Variants in CPNE5 observed in about 807,000 individuals in gnomAD.
CPNE5 encodes copine-5.
CPNE5 carries 42 observed loss-of-function variants against 81.1 expected under a neutral mutation model. The ratio of observed to expected loss-of-function variants is 0.52; its 90% CI spans 0.40 to 0.67. The LOEUF (loss-of-function observed/expected upper bound fraction) is 0.67. Among genes scored for constraint, CPNE5 ranks in the 30% least tolerant of loss-of-function variants. The pLI is 0.00. For synonymous variants in CPNE5, 313 were observed against 321.5 expected (o/e 0.97, Z 0.28); for missense variants, 612 against 815.5 (o/e 0.75, Z 3.04).
chr6:36,821,365 G>A (rs1247821873), intron 3 of CPNE5, among the ~76,000 whole-genome samples: 4 of 152,186 alleles, frequency 2.6e-5, no homozygotes, highest in Admixed American at 1.3e-4. Context: ...GGGAGCCACA[G>A]GAGGGCTCTG....
chr6:36,765,391 C>G lies in CPNE5; in HGVS notation c.738-15G>C, dbSNP rs1241017731. On this transcript the variant is annotated splice_polypyrimidine_tract_variant and intron_variant, in intron 10 of 20. Coordinates refer to ENST00000244751, the MANE Select transcript of CPNE5 (RefSeq NM_020939.2). ...CCTTGATGGTCCTGCAAAACAAAGG[C>G]CTTTGCTGGGATGGGCCCAACCCCA... The G allele has an allele frequency of 6.2e-7, 1 of 1,614,090 alleles. No homozygotes were observed. Among genetic ancestry groups the G allele is most frequent in the Admixed American group, 1.7e-5 (1 of 60,012 alleles).
intron 13 of CPNE5, chr6:36,754,803 C>T (rs1249124576): frequency 6.6e-6 from 1 of 152,188 alleles, no homozygotes; most frequent in African/African-American, 2.4e-5. Context: ...AAGGTGCTGT[C>T]TTCCCTAGGG....
intron 1 of CPNE5, among the ~76,000 whole-genome samples, chr6:36,828,320 A>AAG (rs1213829234): frequency 2.0e-5 from 3 of 151,340 alleles, no homozygotes; most frequent in Non-Finnish European, 4.4e-5. Flanking sequence ...AAAAAAAAAA[A>AAG]AAAAAAAAAG....
chr6:36,832,912 C>A (rs766202742), intron 1 of CPNE5, among the ~76,000 whole-genome samples: 1 of 152,130 alleles, frequency 6.6e-6, no homozygotes, highest in South Asian at 2.1e-4. Context: ...TACTACCGTG[C>A]GGTCTGGATG....
chr6:36,810,434 A>G (rs184652656), intron 3 of CPNE5, among the ~76,000 whole-genome samples: 16 of 152,346 alleles, frequency 1.1e-4, no homozygotes, highest in Admixed American at 9.8e-4. Flanking sequence ...CTCATGAATC[A>G]TGTTCACTAG....
intron 3 of CPNE5, among the ~76,000 whole-genome samples, chr6:36,814,163 G>A (rs1771338037): frequency 6.6e-6 from 1 of 152,110 alleles, no homozygotes; most frequent in Non-Finnish European, 1.5e-5. Context: ...GCACATAGGT[G>A]GCTGAACGGC....
intron 3 of CPNE5, among the ~76,000 whole-genome samples, chr6:36,814,843 T>A (rs1451192789): frequency 6.6e-6 from 1 of 152,134 alleles, no homozygotes; most frequent in Non-Finnish European, 1.5e-5. Flanking sequence ...TTGTGAGGAT[T>A]CATTGAGTTA....
rs200491635 is a variant in CPNE5, at chr6:36,746,501, G to T, written c.1095C>A (p.Ala365=). Residue 365 remains alanine, a synonymous_variant, in exon 16 of 21, where the codon GCC becomes GCA. Transcript: ENST00000244751. This position sits in a 1 kb window ranked among gnomAD's most constrained non-coding sequence, Gnocchi z 4.5. ...CGTAGTGCTGGATGATCTCTCCGAC[G>T]GCAGTCAGCGCCAGCGCGTAGGCGT... ...QLNAYALALT[A]VGEIIQHYDS... is the part of the protein sequence containing the mutation. 6.2e-7 allele frequency: 1 copy of T among 1,613,824 alleles called. No individual in the cohort carries two copies.
At chr6:36,807,244 T>C (rs1056740855) in intron 3 of CPNE5, among the ~76,000 whole-genome samples, 2 of 152,198 alleles carry the variant, frequency 1.3e-5, no homozygotes, top group African/African-American at 4.8e-5. Flanking sequence ...TCGTTAATAG[T>C]GCAGAGTCTA....
intron 3 of CPNE5, among the ~76,000 whole-genome samples, chr6:36,802,150 C>T (rs1414257057): frequency 3.3e-5 from 4 of 120,606 alleles, no homozygotes; most frequent in African/African-American, 6.2e-5. Context: ...ACCCAGGAGG[C>T]GGAGGTTGCA....
rs937543021 is a variant in CPNE5 at position 36,766,203 on chromosome 6, C to G, written c.738-827G>C. ...GGGCCTGGGGAGCTGGGGTCTTCAGCCTTCAGTTCTTAGTGGGGTGCAGAG... is the reference window on the plus strand; with the variant it reads ...GGGCCTGGGGAGCTGGGGTCTTCAGGCTTCAGTTCTTAGTGGGGTGCAGAG... On this transcript the variant is annotated intron_variant, in intron 10 of 20. Coordinates refer to ENST00000244751, the MANE Select transcript of CPNE5 (RefSeq NM_020939.2). The surrounding 1 kb of genome is among the most constrained non-coding windows in gnomAD (Gnocchi z 4.2). Among the ~76,000 whole-genome samples the G allele has an allele frequency of 1.3e-5, 2 of 152,100 alleles. No homozygotes were observed. Among genetic ancestry groups the G allele is most frequent in the East Asian group, 1.9e-4 (1 of 5,174 alleles).
chr6:36,802,217 C>CAAAA (rs57677612), intron 3 of CPNE5, among the ~76,000 whole-genome samples: 4 of 56,714 alleles, frequency 7.1e-5, no homozygotes, highest in Non-Finnish European at 1.2e-4. Flanking sequence ...GACTCCATCT[C>CAAAA]AAAAAAAAAA....
At position 36,839,259 on chromosome 6, in the gene CPNE5, G is replaced by C; in HGVS notation, c.95+24C>G. On this transcript the variant is annotated intron_variant, in intron 1 of 20. Coordinates refer to ENST00000244751, the MANE Select transcript of CPNE5 (RefSeq NM_020939.2). The surrounding 1 kb of genome is among the most constrained non-coding windows in gnomAD (Gnocchi z 7.3). The stretch of plus-strand genomic sequence containing the variant: ...CTCTGCGTCCAGGGCCGGGGCAAGG[G>C]GACCCGGCCAGCGGGAGGCTCACCT... 1.3e-6 allele frequency: 2 copies of C among 1,497,204 alleles called. No individual in the cohort carries two copies. Among genetic ancestry groups the C allele is most frequent in the Non-Finnish European group, 1.8e-6 (2 of 1,109,012 alleles). 92.7% of individuals were successfully genotyped at this position (1,497,204 alleles called of 1,614,324 possible). A position where few individuals can be genotyped will look rare whatever the true frequency, so the allele number is the denominator to read the frequency against.
intron 3 of CPNE5, among the ~76,000 whole-genome samples, chr6:36,806,827 C>T (rs1395618646): frequency 6.6e-6 from 1 of 152,192 alleles, no homozygotes; most frequent in East Asian, 1.9e-4. Context: ...ATACCAATGT[C>T]CTGTGCCAGC....
chr6:36,743,063 A>C, intron 20 of CPNE5: 2 of 985,194 alleles, frequency 2.0e-6, no homozygotes, highest in Non-Finnish European at 2.4e-6. Flanking sequence ...CCAGCCCCCT[A>C]TGTTTGGTCT....
intron 1 of CPNE5, among the ~76,000 whole-genome samples, chr6:36,828,652 G>A (rs1772728634): frequency 6.6e-6 from 1 of 152,124 alleles, no homozygotes; most frequent in Admixed American, 6.6e-5. Context: ...TGGTATATAC[G>A]GATACCACAT....
At chr6:36,782,150 TC>T (rs1768084079) in intron 8 of CPNE5, among the ~76,000 whole-genome samples, 1 of 151,722 alleles carries the variant, frequency 6.6e-6, no homozygotes, top group African/African-American at 2.4e-5. Context: ...AAAGCCAGGA[TC>T]CCCCCAGCCT....
intron 3 of CPNE5, among the ~76,000 whole-genome samples, chr6:36,811,176 C>T (rs963479073): frequency 6.6e-5 from 10 of 152,278 alleles, no homozygotes; most frequent in Non-Finnish European, 1.5e-4. Flanking sequence ...CCTTCTAGCC[C>T]CGGGTCTGAC....
intron 9 of CPNE5, among the ~76,000 whole-genome samples, chr6:36,776,630 C>T (rs994413960): frequency 5.9e-5 from 9 of 152,238 alleles, no homozygotes; most frequent in African/African-American, 1.9e-4. Flanking sequence ...AAATACCACC[C>T]CCCAACCGTC....
Sources: gnomAD v4.1 joint callset for allele counts (sites outside exome capture counted in the v4.1 genomes callset) on GRCh38, gnomAD v4.1.1 for gene constraint, Gnocchi (gnomAD v3.1) non-coding constraint, MANE v1.5 for transcripts, NCBI Gene and HGNC (gene_info 2026-07-23, HGNC 2026-07-21) for gene names.